Variants in MPP7 observed in about 807,000 individuals in gnomAD.
MPP7 encodes MAGUK p55 subfamily member 7.
A neutral mutation model predicts 76.5 loss-of-function variants in MPP7; 60 were observed. The ratio of observed to expected loss-of-function variants is 0.78; its 90% CI spans 0.64 to 0.97. The LOEUF (loss-of-function observed/expected upper bound fraction) is 0.97, where lower values mean the gene tolerates loss of function less well. Ranked by LOEUF, MPP7 falls within the 50% of genes least tolerant of loss-of-function variation. The pLI, the probability that MPP7 is intolerant of heterozygous loss-of-function variation, is 0.00. For synonymous variants in MPP7, 237 were observed against 244.5 expected, an observed-to-expected ratio of 0.97 and a Z score of 0.29; for missense variants, 641 against 694.0, an observed-to-expected ratio of 0.92 and a Z score of 0.86.
chr10:28,256,045 C>T (rs1442746120), intron 1 of MPP7, among the ~76,000 whole-genome samples: 1 of 152,126 alleles, frequency 6.6e-6, no homozygotes. Flanking sequence ...GGTTAATTTT[C>T]TTTGCTCTGA....
At chr10:28,285,954 G>A (rs905706188) in intron 1 of MPP7, among the ~76,000 whole-genome samples, 2 of 152,044 alleles carry the variant, frequency 1.3e-5, no homozygotes, top group African/African-American at 4.8e-5. Context: ...GATGAGGAAA[G>A]TCTATCAAGT....
At chr10:28,239,137 AT>A (rs11430703) in intron 1 of MPP7, among the ~76,000 whole-genome samples, 1 of 151,110 alleles carries the variant, frequency 6.6e-6, no homozygotes, top group South Asian at 2.1e-4. Context: ...TATAATTTTT[AT>A]TTTTTTATTT....
chr10:28,229,111 G>A (rs1204649927), intron 2 of MPP7, among the ~76,000 whole-genome samples: 13 of 152,130 alleles, frequency 8.5e-5, no homozygotes, highest in South Asian at 2.1e-4. Context: ...TGAAATACAT[G>A]GATTTATATG....
rs7903192 is a variant in MPP7 at position 28,120,685 on chromosome 10, C to G, written c.616-17G>C. 0.18 allele frequency: 285,241 copies of G among 1,604,620 alleles called. 39,198 individuals carry two copies. The highest frequency in any genetic ancestry group is 0.73 in the East Asian group (32,505 of 44,650). ...AGACTGAGCCTGGTAACAGATAAAA[C>G]AAGGAGTTATAAGAAAACCAGACCC... is the stretch of plus-strand genomic sequence containing the variant. On this transcript the variant is annotated splice_polypyrimidine_tract_variant and intron_variant, in intron 8 of 16. Transcript: ENST00000683449.
chr10:28,304,889 G>A (rs895108420), upstream of MPP7, among the ~76,000 whole-genome samples: 2 of 151,792 alleles, frequency 1.3e-5, no homozygotes, highest in African/African-American at 4.8e-5. Flanking sequence ...TGCAATGAAC[G>A]AGGCTTTCTA....
intron 2 of MPP7, among the ~76,000 whole-genome samples, chr10:28,211,149 A>G (rs956251077): frequency 6.6e-6 from 1 of 151,842 alleles, no homozygotes; most frequent in Non-Finnish European, 1.5e-5. Flanking sequence ...CCCAGGCTAG[A>G]GTGCAGTGGC....
intron 11 of MPP7, among the ~76,000 whole-genome samples, chr10:28,092,590 T>TTTTTTTTTA (rs1564626660): frequency 6.7e-6 from 1 of 149,420 alleles, no homozygotes; most frequent in African/African-American, 2.5e-5. Flanking sequence ...TTTTTTTTTT[T>TTTTTTTTTA]GAGACAGGGA....
At chr10:28,208,222 G>A (rs1339515995) in intron 2 of MPP7, among the ~76,000 whole-genome samples, 1 of 152,088 alleles carries the variant, frequency 6.6e-6, no homozygotes, top group Non-Finnish European at 1.5e-5. Context: ...CATTATCATT[G>A]AGCAGGCAAG....
intron 2 of MPP7, among the ~76,000 whole-genome samples, chr10:28,316,493 A>G (rs1443842048): frequency 2.0e-5 from 3 of 149,434 alleles, no homozygotes; most frequent in Non-Finnish European, 4.4e-5. Flanking sequence ...AAATGTGAAT[A>G]ATGTATGGAC....
intron 12 of MPP7, among the ~76,000 whole-genome samples, chr10:28,089,259 T>G (rs1187477325): frequency 6.6e-6 from 1 of 152,188 alleles, no homozygotes; most frequent in Non-Finnish European, 1.5e-5. Flanking sequence ...GCTTGAAATA[T>G]CCTAGAACTC....
At chr10:28,213,633 A>G (rs1431763607) in intron 2 of MPP7, among the ~76,000 whole-genome samples, 1 of 151,880 alleles carries the variant, frequency 6.6e-6, no homozygotes, top group Non-Finnish European at 1.5e-5. Context: ...TTGTAAAAAT[A>G]CAAAAAAAAT....
chr10:28,094,817 T>C (rs1383019945), intron 11 of MPP7, among the ~76,000 whole-genome samples: 1 of 152,212 alleles, frequency 6.6e-6, no homozygotes, highest in African/African-American at 2.4e-5. Context: ...TAGCCAGATG[T>C]GGTGGCACAT....
chr10:28,210,980 A>G (rs1402257166), intron 2 of MPP7, among the ~76,000 whole-genome samples: 1 of 152,206 alleles, frequency 6.6e-6, no homozygotes, highest in African/African-American at 2.4e-5. Flanking sequence ...CTTTTTGTTA[A>G]AGATAAAAAC....
At chr10:28,084,438 G>A (rs778417050) in intron 12 of MPP7, among the ~76,000 whole-genome samples, 4 of 152,194 alleles carry the variant, frequency 2.6e-5, no homozygotes, top group Non-Finnish European at 5.9e-5. Context: ...CAGGCCAGCA[G>A]CAACAGCATC....
At chr10:28,333,299 C>G (rs1834487197) in intron 1 of MPP7, among the ~76,000 whole-genome samples, 1 of 152,200 alleles carries the variant, frequency 6.6e-6, no homozygotes, top group Admixed American at 6.5e-5. Flanking sequence ...GCACCCGCCA[C>G]CACACCCAGC....
chr10:28,317,221 C>T lies in MPP7; in HGVS notation c.-132+12708G>A, dbSNP rs76732197. Among the ~76,000 whole-genome samples the T allele has an allele frequency of 7.9e-3, 1,204 of 152,212 alleles. 14 individuals are homozygous for T. The highest frequency in any genetic ancestry group is 0.027 in the African/African-American group (1,142 of 41,528). ...CAGAATTTACAAAATTTTAAGAAAT[C>T]AAGATATATAAAAGTTGTTTATTTG... On this transcript the variant is annotated intron_variant, in intron 2 of 11. Transcript: ENST00000441595.
At chr10:28,147,338 CATT>C in intron 5 of MPP7, 142 bp downstream of exon 5, 1 of 627,792 alleles carries the variant, frequency 1.6e-6, no homozygotes, top group Non-Finnish European at 2.8e-6. Context: ...GCCTCTTTCT[CATT>C]AATAGGATTT....
chr10:28,333,202 T>C (rs11007026), intron 1 of MPP7, among the ~76,000 whole-genome samples: 23 of 152,220 alleles, frequency 1.5e-4, no homozygotes, highest in Non-Finnish European at 2.4e-4. Flanking sequence ...TGGAGTGCAA[T>C]GGCACGATCT....
rs748823867 is a variant in MPP7 at position 28,056,617 on chromosome 10, T to C, written c.1414A>G (p.Lys472Glu). Reference sequence around the variant, plus strand: ...TTAAATTCTAGTGTCCTTAAATGCTTCACTGTCTACAAGGAAGAAAAGAAA... The same window carrying C: ...TTAAATTCTAGTGTCCTTAAATGCTCCACTGTCTACAAGGAAGAAAAGAAA... ...CLLDVQPHTV[K>E]HLRTLEFKPY... Residue 472 changes from lysine (K) to glutamate (E), a missense_variant, in exon 16 of 17, where the codon AAG (lysine) becomes GAG (glutamate). Coordinates refer to ENST00000683449, the MANE Select transcript of MPP7 (RefSeq NM_001318170.2). 1.3e-6 allele frequency: 2 copies of C among 1,586,438 alleles called. No individual in the cohort carries two copies. Among genetic ancestry groups the C allele is most frequent in the South Asian group, 1.2e-5 (1 of 85,556 alleles).
Sources: allele counts gnomAD v4.1 joint callset (sites outside exome capture counted in the v4.1 genomes callset), GRCh38; gene constraint gnomAD v4.1.1; transcripts MANE v1.5; gene names NCBI Gene and HGNC (gene_info 2026-07-23, HGNC 2026-07-21).